Variants in TCF12 observed in about 807,000 individuals in gnomAD.
TCF12 encodes DNA-binding protein HTF4.
In TCF12, 45 loss-of-function variants were observed where a neutral mutation model predicts 86.0. The ratio of observed to expected loss-of-function variants is 0.52; its 90% CI spans 0.41 to 0.67. The LOEUF (loss-of-function observed/expected upper bound fraction) is 0.67, where lower values mean the gene tolerates loss of function less well. Among genes scored for constraint, TCF12 ranks in the 30% least tolerant of loss-of-function variants. The probability of loss-of-function intolerance (pLI) is 0.00; values close to 1 mark genes in which losing one functional copy is unlikely to be tolerated. For missense variants in TCF12, 881 were observed against 859.9 expected, an observed-to-expected ratio of 1.02 and a Z score of -0.31; for synonymous variants, 330 against 299.6, an observed-to-expected ratio of 1.10 and a Z score of -1.05.
intron 3 of TCF12, among the ~76,000 whole-genome samples, chr15:57,037,021 G>T (rs2066544244): frequency 6.6e-6 from 1 of 152,198 alleles, no homozygotes; most frequent in African/African-American, 2.4e-5. Flanking sequence ...GAAGAAGTCA[G>T]TTGTTTTTAA....
At chr15:57,179,489 C>G (rs964663164) in intron 6 of TCF12, among the ~76,000 whole-genome samples, 1 of 152,056 alleles carries the variant, frequency 6.6e-6, no homozygotes, top group Non-Finnish European at 1.5e-5. Flanking sequence ...AAGATCGTGC[C>G]ATTGCACTCC....
At chr15:57,079,881 A>G (rs1478356852) in intron 4 of TCF12, among the ~76,000 whole-genome samples, 2 of 152,232 alleles carry the variant, frequency 1.3e-5, no homozygotes, top group Non-Finnish European at 2.9e-5. Flanking sequence ...TTCTTTAAAT[A>G]AATCTATAAA....
chr15:57,232,796 A>C lies in TCF12; in HGVS notation c.910A>C (p.Ser304Arg), dbSNP rs773198248. The change falls in exon 11 of 21, where the codon AGT (serine) becomes CGT (arginine). Residue 304 changes from serine to arginine, a missense_variant. Coordinates refer to ENST00000333725, the MANE Select transcript of TCF12 (RefSeq NM_207037.2). Reference protein sequence around the residue: ...MSSFHRGSTSSSPYVAASHTP... With the variant: ...MSSFHRGSTSRSPYVAASHTP... ...CAGCTTTCATCGCGGCAGTACCAGC[A>C]GTTCACCTTACGTTGCTGCCTCACA... The C allele has an allele frequency of 6.2e-7, 1 of 1,612,980 alleles. No homozygotes were observed. The highest frequency in any genetic ancestry group is 8.5e-7 in the Non-Finnish European group (1 of 1,179,452).
Position 57,069,289 on chromosome 15 carries a change from A to C in TCF12, c.222+5466A>C, listed in dbSNP as rs189065420. ...TTTATAGGCATCATCAGTGATCAAG[A>C]GTTGGCATTTTAATCATGAACATTT... is the stretch of plus-strand genomic sequence containing the variant. On this transcript the variant is annotated intron_variant, in intron 4 of 20. Coordinates refer to ENST00000333725, the MANE Select transcript of TCF12 (RefSeq NM_207037.2). Among the ~76,000 whole-genome samples, 3 of 152,368 alleles carry C rather than the reference A, an allele frequency of 2.0e-5. No homozygotes were observed. In the East Asian group the frequency reaches 5.8e-4, roughly 29 times the overall value.
intron 3 of TCF12, among the ~76,000 whole-genome samples, chr15:56,945,560 A>G (rs2060959586): frequency 6.6e-6 from 1 of 151,954 alleles, no homozygotes; most frequent in African/African-American, 2.4e-5. Flanking sequence ...TTGATGATGA[A>G]ATAGTGTCTT....
intron 3 of TCF12, among the ~76,000 whole-genome samples, chr15:56,950,500 A>G (rs1192384912): frequency 6.6e-6 from 1 of 152,126 alleles, no homozygotes; most frequent in African/African-American, 2.4e-5. Context: ...TGCTGGGATT[A>G]CAGGCGTGAG....
rs373608111 is a variant in TCF12, at chr15:57,273,210, T to A, written c.1926T>A (p.Leu642=). 7 of 1,614,044 alleles carry A rather than the reference T, an allele frequency of 4.3e-6. No homozygotes were observed. The African/African-American group carries it at 9.3e-5, about 22-fold the overall frequency. The change falls in exon 19 of 21, where the codon CTT becomes CTA. Residue 642 remains leucine (L), a synonymous_variant. Coordinates refer to ENST00000333725, the MANE Select transcript of TCF12 (RefSeq NM_207037.2). ...GTGAAAAACCCCAAACAAAACTCCT[T>A]ATTCTTCATCAAGCCGTGGCAGTCA... ...LKSEKPQTKL[L]ILHQAVAVIL... is the part of the protein sequence containing the mutation.
At chr15:57,151,539 G>T (rs769665102) in intron 5 of TCF12, among the ~76,000 whole-genome samples, 1 of 152,012 alleles carries the variant, frequency 6.6e-6, no homozygotes, top group Non-Finnish European at 1.5e-5. Flanking sequence ...GGCCAAGGAG[G>T]ACAGATCATG....
intron 3 of TCF12, among the ~76,000 whole-genome samples, chr15:57,036,593 T>C: frequency 6.6e-6 from 1 of 152,208 alleles, no homozygotes; most frequent in East Asian, 1.9e-4. Flanking sequence ...ATTTCCTTAG[T>C]GGCTGCTAAT....
In TCF12 at chr15:57,251,159, A is replaced by AT. The variant is rs150321424; in HGVS notation, c.1115-183dup. On this transcript the variant is annotated intron_variant, in intron 13 of 20. Transcript: ENST00000333725. Reference sequence around the variant, plus strand: ...TTTTTTTCTGTTTTCTCAGCACCCCATTTTTTTTATTAATAATGAAAGATT... The same window carrying AT: ...TTTTTTTCTGTTTTCTCAGCACCCCATTTTTTTTTATTAATAATGAAAGATT... 15,269 of 456,588 alleles carry AT rather than the reference A, an allele frequency of 0.033. 1,474 individuals carry two copies. The highest frequency in any genetic ancestry group is 0.24 in the African/African-American group (11,889 of 49,412). 28.3% of individuals were successfully genotyped at this position (456,588 alleles called of 1,614,324 possible).
At chr15:56,956,519 G>A (rs2061511010) in intron 3 of TCF12, among the ~76,000 whole-genome samples, 1 of 151,876 alleles carries the variant, frequency 6.6e-6, no homozygotes. Flanking sequence ...ATTTCTATCT[G>A]GAATCATTTT....
At chr15:56,944,950 A>G (rs1438627632) in intron 3 of TCF12, among the ~76,000 whole-genome samples, 2 of 152,174 alleles carry the variant, frequency 1.3e-5, no homozygotes, top group African/African-American at 2.4e-5. Context: ...TATCTTAACA[A>G]TACTGAGTCT....
chr15:56,934,308 A>G (rs2038718492), intron 3 of TCF12, among the ~76,000 whole-genome samples: 1 of 152,222 alleles, frequency 6.6e-6, no homozygotes, highest in African/African-American at 2.4e-5. Flanking sequence ...TAATCTCAAC[A>G]AAATTTTAGT....
chr15:56,948,823 T>C (rs1332819300), intron 3 of TCF12, among the ~76,000 whole-genome samples: 1 of 152,198 alleles, frequency 6.6e-6, no homozygotes, highest in Non-Finnish European at 1.5e-5. Flanking sequence ...GCTGTATCAC[T>C]AGAGGGAAGA....
At chr15:56,983,171 T>C (rs1361068100) in intron 3 of TCF12, among the ~76,000 whole-genome samples, 1 of 152,238 alleles carries the variant, frequency 6.6e-6, no homozygotes, top group African/African-American at 2.4e-5. Context: ...TATTCAACTC[T>C]GTCCTGTTAC....
intron 3 of TCF12, among the ~76,000 whole-genome samples, chr15:57,001,012 A>T (rs202096340): frequency 0.055 from 6,926 of 126,812 alleles, 374 homozygotes; most frequent in Admixed American, 0.17. Flanking sequence ...TTTAAAAAAA[A>T]TTTTTTTTTT....
At chr15:56,978,066 A>G (rs995331880) in intron 3 of TCF12, among the ~76,000 whole-genome samples, 3 of 152,246 alleles carry the variant, frequency 2.0e-5, no homozygotes, top group Non-Finnish European at 4.4e-5. Context: ...TGAAGAAGCT[A>G]TTCTCATAAA....
intron 5 of TCF12, among the ~76,000 whole-genome samples, chr15:57,150,877 T>TCCCTC (rs1567520972): frequency 9.3e-4 from 45 of 48,292 alleles, no homozygotes; most frequent in African/African-American, 1.4e-3. Flanking sequence ...CTCTGTCCCT[T>TCCCTC]CCTTCCTTCC....
At chr15:57,197,686 C>G in intron 7 of TCF12, 87 bp from the exon 8 acceptor site, 4 of 1,478,564 alleles carry the variant, frequency 2.7e-6, no homozygotes, top group South Asian at 2.4e-5. Flanking sequence ...AAGAAAGACG[C>G]TAGGGGAAAA....
Sources: gnomAD v4.1 joint callset for allele counts (sites outside exome capture counted in the v4.1 genomes callset) on GRCh38, gnomAD v4.1.1 for gene constraint, MANE v1.5 for transcripts, NCBI Gene and HGNC (gene_info 2026-07-23, HGNC 2026-07-21) for gene names.